ABCC11: variants seen among roughly 807,000 people sequenced by gnomAD.
ABCC11 encodes the protein ATP-binding cassette sub-family C member 11.
ABCC11 carries 135 observed loss-of-function variants against 149.3 expected under a neutral mutation model. The ratio of observed to expected loss-of-function variants is 0.90; its 90% CI spans 0.79 to 1.04. The LOEUF (loss-of-function observed/expected upper bound fraction) is 1.04. Ranked by LOEUF, ABCC11 falls within the 50% of genes least tolerant of loss-of-function variation. The pLI is 0.00. For missense variants in ABCC11, 1,680 were observed against 1,722.1 expected, an observed-to-expected ratio of 0.98 and a Z score of 0.43; for synonymous variants, 665 against 671.4, an observed-to-expected ratio of 0.99 and a Z score of 0.15.
chr16:48,201,484 T>TC (rs1220666789), intron 14 of ABCC11, among the ~76,000 whole-genome samples: 1 of 147,368 alleles, frequency 6.8e-6, no homozygotes, highest in African/African-American at 2.5e-5. Flanking sequence ...CTTTTTTTTT[T>TC]TTTTTTTTGT....
At chr16:48,165,591 G>A (rs989658627), downstream of ABCC11, 5 of 152,460 alleles carry the variant, frequency 3.3e-5, no homozygotes, top group Non-Finnish European at 7.3e-5. Flanking sequence ...GGAAGTCCCC[G>A]GGGGCTGCCT....
At chr16:48,165,017 T>TG (rs897263393), downstream of ABCC11, 2 of 151,828 alleles carry the variant, frequency 1.3e-5, no homozygotes, top group African/African-American at 4.8e-5. Flanking sequence ...AGAAGCCCAG[T>TG]GGGGCCATCA....
chr16:48,181,236 G>A (rs192688873), intron 23 of ABCC11, among the ~76,000 whole-genome samples: 39 of 152,262 alleles, frequency 2.6e-4, no homozygotes, highest in African/African-American at 7.5e-4. Context: ...GGTTTGGGGG[G>A]CACTCTGTAA....
Position 48,178,676 on chromosome 16 carries a change from C to G in ABCC11, c.3269G>C (p.Ser1090Thr). Residue 1090 changes from serine (S) to threonine (T), a missense_variant, in exon 24 of 30, where the codon AGC becomes ACC. Transcript: ENST00000356608. ...AVNIVLQLAS[S>T]FQATARIGLE... ...GCCAATCCGGGCAGTGGCCTGGAAG[C>G]TGGACGCCAGCTAGAAGGAAGGAGA... is the stretch of plus-strand genomic sequence containing the variant. 1 of 1,614,174 alleles carries G rather than the reference C, an allele frequency of 6.2e-7. No individual in the cohort carries two copies. The highest frequency in any genetic ancestry group is 1.1e-5 in the South Asian group (1 of 91,080).
At chr16:48,177,727 T>G (rs990426998) in intron 24 of ABCC11, among the ~76,000 whole-genome samples, 55 of 152,220 alleles carry the variant, frequency 3.6e-4, no homozygotes, top group African/African-American at 1.3e-3. Context: ...ACCACCTGGC[T>G]GCAAGCCACA....
intron 26 of ABCC11, among the ~76,000 whole-genome samples, chr16:48,175,036 G>T (rs1442309601): frequency 6.6e-6 from 1 of 152,178 alleles, no homozygotes; most frequent in Non-Finnish European, 1.5e-5. Context: ...TTGTTTTTGC[G>T]TATAACATTA....
Position 48,174,938 on chromosome 16 carries a change from G to A in ABCC11, c.3698+320C>T, listed in dbSNP as rs1965948426. On this transcript the variant is annotated intron_variant, in intron 26 of 29. Coordinates refer to ENST00000356608, the MANE Select transcript of ABCC11 (RefSeq NM_001370497.1). The stretch of plus-strand genomic sequence containing the variant: ...TACAGCCCTGAGCTCCTGGGCTCAA[G>A]TGATCCTCCTGCCTCAGCCTCCCAA... Among the ~76,000 whole-genome samples, 3 of 152,344 alleles carry A rather than the reference G, an allele frequency of 2.0e-5. No individual in the cohort carries two copies. The South Asian group carries it at 6.2e-4, about 32-fold the overall frequency.
intron 26 of ABCC11, among the ~76,000 whole-genome samples, chr16:48,172,041 C>G (rs1965754360): frequency 6.6e-6 from 1 of 152,194 alleles, no homozygotes; most frequent in Non-Finnish European, 1.5e-5. Flanking sequence ...ACAGTCTCTT[C>G]TTCCCCCTCC....
rs755116860 is a variant in ABCC11 at position 48,230,450 on chromosome 16, G to A, written c.223C>T (p.Arg75Cys). 4.4e-5 allele frequency: 71 copies of A among 1,607,880 alleles called. No homozygotes were observed. Among genetic ancestry groups the A allele is most frequent in the Middle Eastern group, 3.7e-4 (2 of 5,454 alleles). The change falls in exon 3 of 30, where the codon CGT (arginine) becomes TGT (cysteine). Residue 75 changes from arginine to cysteine, a missense_variant. Coordinates refer to ENST00000356608, the MANE Select transcript of ABCC11 (RefSeq NM_001370497.1). ...ATCAGGACTCACCTCGGCTTGGGAC[G>A]GAAGGGAATCATGGTTCTCAAGGCA... is the stretch of plus-strand genomic sequence containing the variant. The part of the protein sequence containing the change: ...DAALRTMIPF[R>C]PKPRFPAPQP...
intron 7 of ABCC11, 134 bp downstream of exon 7, chr16:48,215,980 G>T: frequency 1.1e-6 from 1 of 946,982 alleles, no homozygotes; most frequent in Non-Finnish European, 1.6e-6. Flanking sequence ...GAAGTAGGGA[G>T]TGGAGCTGAA....
intron 1 of ABCC11, among the ~76,000 whole-genome samples, chr16:48,247,053 G>A (rs149957069): frequency 2.7e-3 from 414 of 152,228 alleles, no homozygotes; most frequent in African/African-American, 9.6e-3. Flanking sequence ...ATATTGAAAA[G>A]TCTTCATAGA....
chr16:48,228,586 G>A lies in ABCC11; in HGVS notation c.237-622C>T, dbSNP rs554916154. Among the ~76,000 whole-genome samples, 20 of 150,578 alleles carry A rather than the reference G, an allele frequency of 1.3e-4. No individual in the cohort carries two copies. The South Asian group carries it at 3.3e-3, about 25-fold the overall frequency. The stretch of plus-strand genomic sequence containing the variant: ...CACTCCAGCCTGGGAGACAGCGCAC[G>A]ACTCCGTCTCAAAAGAAAAAAAAAA... On this transcript the variant is annotated intron_variant, in intron 3 of 29. Coordinates refer to ENST00000356608, the MANE Select transcript of ABCC11 (RefSeq NM_001370497.1).
In ABCC11 at chr16:48,211,120, G is replaced by T; in HGVS notation, c.1436C>A (p.Ala479Asp). The T allele has an allele frequency of 6.2e-7, 1 of 1,614,208 alleles. No homozygotes were observed. Among genetic ancestry groups the T allele is most frequent in the Non-Finnish European group, 8.5e-7 (1 of 1,180,042 alleles). Reference sequence around the variant, plus strand: ...ACAGGTCTGTTGCCATGACAAGGTGGCCTCCTCAAAGACCAGAGCTTTGCT... The same window carrying T: ...ACAGGTCTGTTGCCATGACAAGGTGTCCTCCTCAAAGACCAGAGCTTTGCT... ...DPSKALVFEEATLSWQQTCPG... is the reference protein window; with the variant it reads ...DPSKALVFEEDTLSWQQTCPG... Residue 479 changes from alanine (A) to aspartate (D), a missense_variant, in exon 11 of 30, where the codon GCC becomes GAC. Ala to Asp is a moderately radical substitution (Grantham distance 126). Transcript: ENST00000356608.
intron 13 of ABCC11, among the ~76,000 whole-genome samples, chr16:48,205,012 C>G (rs898861356): frequency 6.6e-6 from 1 of 152,186 alleles, no homozygotes; most frequent in Non-Finnish European, 1.5e-5. Context: ...CCTCATCGCT[C>G]CCATTTGTTT....
intron 26 of ABCC11, 39 bp from the exon 27 acceptor site, chr16:48,171,006 C>T (rs201688322): frequency 1.3e-6 from 2 of 1,525,588 alleles, no homozygotes; most frequent in East Asian, 2.3e-5. Context: ...AACAACATCA[C>T]CCAGGCTTTG....
At chr16:48,198,843 C>T (rs1316839716) in intron 15 of ABCC11, among the ~76,000 whole-genome samples, 1 of 152,026 alleles carries the variant, frequency 6.6e-6, no homozygotes, top group Non-Finnish European at 1.5e-5. Flanking sequence ...TCAAGACCAG[C>T]CTGGCCAACA....
intron 7 of ABCC11, 64 bp downstream of exon 7, chr16:48,216,050 C>T (rs1969317337): frequency 1.3e-6 from 2 of 1,533,160 alleles, no homozygotes; most frequent in African/African-American, 1.4e-5. Context: ...AGAGCTATCC[C>T]AGATTCCAGA....
chr16:48,230,294 C>T, intron 3 of ABCC11, 143 bp downstream of exon 3: 1 of 975,904 alleles, frequency 1.0e-6, no homozygotes, highest in Non-Finnish European at 1.4e-6. Flanking sequence ...ATGTGCCTCC[C>T]TGGTGTGCCT....
intron 20 of ABCC11, 105 bp from the exon 21 acceptor site, chr16:48,187,532 G>C: frequency 2.2e-6 from 2 of 916,504 alleles, no homozygotes; most frequent in Non-Finnish European, 3.4e-6. Flanking sequence ...ACGGATCCCA[G>C]GGGTCTCCAG....
Sources: allele counts gnomAD v4.1 joint callset (sites outside exome capture counted in the v4.1 genomes callset), GRCh38; gene constraint gnomAD v4.1.1; transcripts MANE v1.5; gene names NCBI Gene and HGNC (gene_info 2026-07-23, HGNC 2026-07-21).